The following SLC50A1 variants were observed in gnomAD, a reference collection of about 807,000 sequenced individuals.
SLC50A1 encodes solute carrier family 50 member 1, also known as sugar transporter SWEET1.
In SLC50A1, 22 loss-of-function variants were observed where a neutral mutation model predicts 28.9. That is an observed-to-expected ratio of 0.76 (90% confidence interval 0.54 to 1.09). The LOEUF (loss-of-function observed/expected upper bound fraction) is 1.09, where lower values mean the gene tolerates loss of function less well. SLC50A1 is among the 50% of genes least tolerant of loss of function. The probability of loss-of-function intolerance (pLI) is 0.00; values close to 1 mark genes in which losing one functional copy is unlikely to be tolerated. For missense variants in SLC50A1, 233 were observed against 273.4 expected (o/e 0.85, Z 1.04); for synonymous variants, 96 against 110.6 (o/e 0.87, Z 0.83).
At chr1:155,137,030 C>T (rs1201927662) in intron 3 of SLC50A1, 79 bp downstream of exon 3, 1 of 1,560,970 alleles carries the variant, frequency 6.4e-7, no homozygotes, top group Admixed American at 1.8e-5. Flanking sequence ...TCCTAGAAGA[C>T]TGTAACAGCT....
intron 3 of SLC50A1, 79 bp downstream of exon 3, chr1:155,137,030 CTG>C (rs1487412584): frequency 1.9e-6 from 3 of 1,560,970 alleles, no homozygotes; most frequent in East Asian, 2.3e-5. Flanking sequence ...TCCTAGAAGA[CTG>C]TAACAGCTGG....
At chr1:155,136,619 T>A in intron 2 of SLC50A1, 1 of 753,002 alleles carries the variant, frequency 1.3e-6, no homozygotes, top group Admixed American at 2.9e-5. Flanking sequence ...GCCGGGCGCC[T>A]GTAGTCCCAG....
chr1:155,136,659 C>T, intron 2 of SLC50A1, 169 bp from the exon 3 acceptor site: 1 of 977,002 alleles, frequency 1.0e-6, no homozygotes, highest in Admixed American at 2.6e-5. Context: ...AGGAGAATGG[C>T]GTGAACCCAG....
chr1:155,135,780 A>C (rs976852387), upstream of SLC50A1: 92 of 1,551,456 alleles, frequency 5.9e-5, no homozygotes, highest in Non-Finnish European at 7.6e-5. Flanking sequence ...TTCCGGAGGG[A>C]CGGCCCGAGC....
chr1:155,138,257 G>A lies in SLC50A1; in HGVS notation c.642G>A (p.Arg214=), dbSNP rs370960837. Residue 214 remains arginine, a synonymous_variant, in exon 6 of 6, where the codon AGG becomes AGA. Coordinates refer to ENST00000368404, the MANE Select transcript of SLC50A1 (RefSeq NM_018845.4). ...GGAAGTACCCCCAGGAGCAAGACAG[G>A]AACTACTGGCTCCTGCAAACCTGAG... ...LFWKYPQEQD[R]NYWLLQT 6.1e-5 allele frequency: 98 copies of A among 1,613,992 alleles called. No homozygotes were observed. Among genetic ancestry groups the A allele is most frequent in the Non-Finnish European group, 8.2e-5 (97 of 1,180,036 alleles).
At position 155,137,727 on chromosome 1, in the gene SLC50A1, G is replaced by GT; in HGVS notation, c.444+6dup. The GT allele has an allele frequency of 6.2e-7, 1 of 1,614,104 alleles. No homozygotes were observed. The highest frequency in any genetic ancestry group is 8.5e-7 in the Non-Finnish European group (1 of 1,179,992). ...CTCTCACCACTGGCTGACTTGGTGA[G>GT]TGGGGGTGTCCAAGGAGGTAGGAGA... On this transcript the variant is annotated splice_donor_region_variant and intron_variant, in intron 4 of 5. Transcript: ENST00000368404.
At chr1:155,135,746 G>A (rs888674263), upstream of SLC50A1, 7 of 1,549,360 alleles carry the variant, frequency 4.5e-6, no homozygotes, top group South Asian at 8.3e-5. Flanking sequence ...CGGCGTCGGA[G>A]GGAGGGTGGG....
Position 155,138,835 on chromosome 1 carries a change from AGT to A in SLC50A1, c.*557_*558del, listed in dbSNP as rs1267661731. On this transcript the variant is annotated 3_prime_UTR_variant, in exon 6 of 6. Transcript: ENST00000368404. ...CTGATATGAATATGCCTTAAAATAA[AGT>A]GTTCCCCACCCCTGCCCACGATGGT... is the stretch of plus-strand genomic sequence containing the variant. 6.4e-6 allele frequency: 1 copy of A among 156,928 alleles called. No homozygotes were observed. Among genetic ancestry groups the A allele is most frequent in the Non-Finnish European group, 1.4e-5 (1 of 70,678 alleles). The allele number at this position is 156,928 out of a possible 1,614,324, so 9.7% of individuals were successfully genotyped here. A position where few individuals can be genotyped will look rare whatever the true frequency, so the allele number is the denominator to read the frequency against.
chr1:155,136,078 C>T, intron 1 of SLC50A1, 87 bp downstream of exon 1: 1 of 1,501,152 alleles, frequency 6.7e-7, no homozygotes, highest in Non-Finnish European at 9.1e-7. Context: ...CAGCACCTGG[C>T]TCGTCCGGAA....
chr1:155,135,922 G>T lies in SLC50A1; in HGVS notation c.11G>T (p.Gly4Val), dbSNP rs1270584797. 1 of 1,613,978 alleles carries T rather than the reference G, an allele frequency of 6.2e-7. No individual in the cohort carries two copies. The highest frequency in any genetic ancestry group is 8.5e-7 in the Non-Finnish European group (1 of 1,179,986). The change falls in exon 1 of 6, where the codon GGC becomes GTC. Residue 4 changes from glycine to valine, a missense_variant. Physicochemically the swap from Gly to Val is moderately radical, Grantham distance 109. Transcript: ENST00000368404. ...CCGACTCTAGTCGTAATGGAGGCGG[G>T]CGGCTTTCTGGACTCGCTCATTTAC... MEA[G>V]GFLDSLIYGA...
Position 155,136,043 on chromosome 1 carries a change from G to C in SLC50A1, c.80+52G>C, listed in dbSNP as rs777504490. On this transcript the variant is annotated intron_variant, in intron 1 of 5. Coordinates refer to ENST00000368404, the MANE Select transcript of SLC50A1 (RefSeq NM_018845.4). ...GGAGGACTAGGCAGTCAGGAAAGGAGAGAGAGGGGACAGAGACGTGGCCAC... is the reference window on the plus strand; with the variant it reads ...GGAGGACTAGGCAGTCAGGAAAGGACAGAGAGGGGACAGAGACGTGGCCAC... The C allele has an allele frequency of 4.4e-6, 7 of 1,599,952 alleles. No individual in the cohort carries two copies. In the African/African-American group the frequency reaches 9.4e-5, roughly 21 times the overall value.
At chr1:155,135,436 C>A, upstream of SLC50A1, 1 of 728,986 alleles carries the variant, frequency 1.4e-6, no homozygotes, top group Non-Finnish European at 2.2e-6. Flanking sequence ...AAAAAAACTT[C>A]CCAAACCCTG....
chr1:155,135,764 C>G, upstream of SLC50A1: 1 of 1,550,042 alleles, frequency 6.5e-7, no homozygotes, highest in South Asian at 1.2e-5. Context: ...GGGGCTTCGG[C>G]GCAGTTTCCG....
chr1:155,135,722 C>A (rs550003090), upstream of SLC50A1: 2 of 1,549,316 alleles, frequency 1.3e-6, no homozygotes, highest in East Asian at 2.4e-5. Context: ...AGGAGAGGGG[C>A]GCGAGTTCCG....
Position 155,137,858 on chromosome 1 carries a change from G to A in SLC50A1, c.445-121G>A, listed in dbSNP as rs1277832802. The A allele has an allele frequency of 1.2e-5, 19 of 1,582,834 alleles. No homozygotes were observed. In the Admixed American group the frequency reaches 3.1e-4, roughly 26 times the overall value. ...AGGCAGTAGAAGTGGGCGAGTGGGAGGCAGGAAAGGTTGGGTGACAGATCA... is the reference window on the plus strand; with the variant it reads ...AGGCAGTAGAAGTGGGCGAGTGGGAAGCAGGAAAGGTTGGGTGACAGATCA... On this transcript the variant is annotated intron_variant, in intron 4 of 5. Coordinates refer to ENST00000368404, the MANE Select transcript of SLC50A1 (RefSeq NM_018845.4).
At chr1:155,136,076 G>A (rs1571692623) in intron 1 of SLC50A1, 85 bp downstream of exon 1, 21 of 1,511,064 alleles carry the variant, frequency 1.4e-5, no homozygotes, top group Non-Finnish European at 1.5e-5. Context: ...CACAGCACCT[G>A]GCTCGTCCGG....
In SLC50A1 at chr1:155,138,031, T is replaced by C. The variant is rs777998806; in HGVS notation, c.497T>C (p.Ile166Thr). ...STQCLSYPLTIATLLTSASWC... is the reference protein window; with the variant it reads ...STQCLSYPLTTATLLTSASWC... ...CAATGTCTCTCCTACCCACTCACCA[T>C]TGCTACCCTTCTCACCTCTGCCTCC... The change falls in exon 5 of 6, where the codon ATT (isoleucine) becomes ACT (threonine). Residue 166 changes from isoleucine (I) to threonine (T), a missense_variant. By Grantham distance (89) the Ile-to-Thr change is moderately conservative (BLOSUM62 -1). Coordinates refer to ENST00000368404, the MANE Select transcript of SLC50A1 (RefSeq NM_018845.4). 15 of 1,614,192 alleles carry C rather than the reference T, an allele frequency of 9.3e-6. No homozygotes were observed. Among genetic ancestry groups the C allele is most frequent in the Non-Finnish European group, 1.2e-5 (14 of 1,180,020 alleles).
At chr1:155,135,741 T>G (rs1269158728), upstream of SLC50A1, 1 of 1,548,944 alleles carries the variant, frequency 6.5e-7, no homozygotes, top group Non-Finnish European at 8.7e-7. Context: ...CGGTTCGGCG[T>G]CGGAGGGAGG....
intron 2 of SLC50A1, 191 bp downstream of exon 2, chr1:155,136,567 C>A: frequency 2.9e-6 from 2 of 690,738 alleles, no homozygotes; most frequent in Non-Finnish European, 4.9e-6. Context: ...CACGGTGAAA[C>A]CCCGTCTCTA....
Sources: allele counts gnomAD v4.1 joint callset, GRCh38; gene constraint gnomAD v4.1.1; transcripts MANE v1.5; gene names NCBI Gene and HGNC (gene_info 2026-07-23, HGNC 2026-07-21).